BTBD9: variants seen among roughly 807,000 people sequenced by gnomAD.
BTBD9 encodes BTB domain containing 9, also known as BTB/POZ domain-containing protein 9.
A neutral mutation model predicts 64.3 loss-of-function variants in BTBD9; 49 were observed. The observed-to-expected ratio is 0.76, with a 90% CI of 0.61 to 0.97. BTBD9 has a LOEUF of 0.97. Among genes scored for constraint, BTBD9 ranks in the 50% least tolerant of loss-of-function variants. BTBD9 has a pLI of 0.00. For missense variants in BTBD9, 598 were observed against 762.1 expected (o/e 0.78, Z 2.53); for synonymous variants, 260 against 274.7 (o/e 0.95, Z 0.53).
intron 6 of BTBD9, among the ~76,000 whole-genome samples, chr6:38,408,726 T>C (rs1481036367): frequency 6.6e-6 from 1 of 152,194 alleles, no homozygotes; most frequent in Non-Finnish European, 1.5e-5. Flanking sequence ...GGAACATCTT[T>C]TATTATTTCC....
intron 9 of BTBD9, among the ~76,000 whole-genome samples, chr6:38,195,416 G>A (rs946478970): frequency 6.6e-6 from 1 of 152,182 alleles, no homozygotes; most frequent in Admixed American, 6.5e-5. Flanking sequence ...TAGAGGCATG[G>A]CAGCCCGCCC....
intron 6 of BTBD9, among the ~76,000 whole-genome samples, chr6:38,517,323 C>G (rs1773075963): frequency 6.6e-6 from 1 of 152,106 alleles, no homozygotes; most frequent in Non-Finnish European, 1.5e-5. Flanking sequence ...AATCAAATAC[C>G]AAAGTAATGC....
chr6:38,275,847 A>G (rs970579062), intron 8 of BTBD9, among the ~76,000 whole-genome samples: 3 of 152,054 alleles, frequency 2.0e-5, no homozygotes, highest in Non-Finnish European at 2.9e-5. Context: ...GCCAGGAAAC[A>G]ACAGGTGCTG....
chr6:38,417,730 G>A (rs367553062), intron 6 of BTBD9, among the ~76,000 whole-genome samples: 2 of 151,298 alleles, frequency 1.3e-5, no homozygotes, highest in South Asian at 4.2e-4. Flanking sequence ...CCCTGATTGC[G>A]CCACTGCATT....
At chr6:38,179,693 T>C (rs1761457808) in intron 10 of BTBD9, 1 of 456,646 alleles carries the variant, frequency 2.2e-6, no homozygotes, top group African/African-American at 2.0e-5. Context: ...ACCTCAGGGC[T>C]GTGCCTTCCT....
chr6:38,436,582 G>A (rs565201252), intron 6 of BTBD9, among the ~76,000 whole-genome samples: 10 of 151,880 alleles, frequency 6.6e-5, no homozygotes, highest in Admixed American at 5.2e-4. Flanking sequence ...CACCCTGTTG[G>A]TCAGGCTGGT....
Position 38,288,145 on chromosome 6 carries a change from T to C in BTBD9, c.1454+127A>G, listed in dbSNP as rs576313554. ...CCTTCCTTCGGCTCCCACTCCTTTC[T>C]TGATACTTAGAGCAAAGAACAGTAG... is the stretch of plus-strand genomic sequence containing the variant. On this transcript the variant is annotated intron_variant, in intron 8 of 10. Transcript: ENST00000481247. The C allele has an allele frequency of 1.5e-4, 156 of 1,041,020 alleles. 1 individual carries two copies. The highest frequency in any genetic ancestry group is 9.4e-4 in the Admixed American group (36 of 38,320). 64.5% of individuals were successfully genotyped at this position (1,041,020 alleles called of 1,614,324 possible).
chr6:38,625,737 C>T (rs1778141527), intron 1 of BTBD9, among the ~76,000 whole-genome samples: 1 of 152,136 alleles, frequency 6.6e-6, no homozygotes, highest in Non-Finnish European at 1.5e-5. Flanking sequence ...TGTTCAAAGT[C>T]ACAACATTCA....
chr6:38,427,288 G>C (rs1008788028), intron 6 of BTBD9, among the ~76,000 whole-genome samples: 2 of 151,670 alleles, frequency 1.3e-5, no homozygotes, highest in Non-Finnish European at 2.9e-5. Flanking sequence ...CCAGGAGTTT[G>C]AGACCAGCCT....
intron 8 of BTBD9, among the ~76,000 whole-genome samples, chr6:38,284,339 A>T (rs181333617): frequency 3.5e-4 from 54 of 152,294 alleles, no homozygotes; most frequent in African/African-American, 1.3e-3. Context: ...TCCACATTTT[A>T]AAAAAACCCA....
chr6:38,380,745 T>A (rs761364825), intron 6 of BTBD9, among the ~76,000 whole-genome samples: 1 of 152,072 alleles, frequency 6.6e-6, no homozygotes, highest in Non-Finnish European at 1.5e-5. Flanking sequence ...TTCAGAAGGC[T>A]GAGGTGGGAG....
chr6:38,529,777 TATG>T (rs1172645544), intron 6 of BTBD9, among the ~76,000 whole-genome samples: 2 of 152,236 alleles, frequency 1.3e-5, no homozygotes, highest in Non-Finnish European at 2.9e-5. Flanking sequence ...TCAGGACCAC[TATG>T]ATAATTGTGT....
At chr6:38,547,138 C>T (rs1774590098) in intron 6 of BTBD9, among the ~76,000 whole-genome samples, 1 of 152,164 alleles carries the variant, frequency 6.6e-6, no homozygotes. Flanking sequence ...TTGGGCCTCC[C>T]TATTCCCTGA....
intron 9 of BTBD9, among the ~76,000 whole-genome samples, chr6:38,233,277 C>T (rs1394872268): frequency 2.0e-5 from 3 of 152,112 alleles, no homozygotes; most frequent in South Asian, 2.1e-4. Context: ...AAAAAAATAA[C>T]GAAACCATTT....
intron 6 of BTBD9, among the ~76,000 whole-genome samples, chr6:38,490,301 C>A (rs1771647601): frequency 6.6e-6 from 1 of 152,204 alleles, no homozygotes; most frequent in African/African-American, 2.4e-5. Flanking sequence ...GGACACTACA[C>A]TCTCAAAAGA....
At chr6:38,461,287 T>C (rs1770073739) in intron 6 of BTBD9, among the ~76,000 whole-genome samples, 1 of 152,140 alleles carries the variant, frequency 6.6e-6, no homozygotes, top group African/African-American at 2.4e-5. Flanking sequence ...ACCCCAAAAG[T>C]TTCCTTGTGC....
chr6:38,260,023 G>A (rs1197788275), intron 8 of BTBD9, among the ~76,000 whole-genome samples: 1 of 152,120 alleles, frequency 6.6e-6, no homozygotes, highest in Non-Finnish European at 1.5e-5. Context: ...GCACTTTTAT[G>A]CAGTCAGCCT....
chr6:38,326,952 CACTT>C (rs910498639), intron 7 of BTBD9, among the ~76,000 whole-genome samples: 6 of 152,314 alleles, frequency 3.9e-5, no homozygotes, highest in East Asian at 1.9e-4. Flanking sequence ...TTTTACACCT[CACTT>C]GAGTCCCTCA....
intron 9 of BTBD9, among the ~76,000 whole-genome samples, chr6:38,252,676 G>C (rs952275269): frequency 6.6e-6 from 1 of 152,166 alleles, no homozygotes; most frequent in East Asian, 1.9e-4. Context: ...AAAGATGTTG[G>C]TAATTTAATG....
Sources: gnomAD v4.1 joint callset for allele counts (sites outside exome capture counted in the v4.1 genomes callset) on GRCh38, gnomAD v4.1.1 for gene constraint, MANE v1.5 for transcripts, NCBI Gene and HGNC (gene_info 2026-07-23, HGNC 2026-07-21) for gene names.